Variants in FMN1 observed in about 807,000 individuals in gnomAD.
The protein encoded by FMN1 is formin 1.
FMN1 carries 110 observed loss-of-function variants against 132.4 expected under a neutral mutation model. The observed-to-expected ratio is 0.83, with a 90% CI of 0.71 to 0.97. FMN1 has a LOEUF of 0.97. Among genes scored for constraint, FMN1 ranks in the 50% least tolerant of loss-of-function variants. FMN1 has a pLI of 0.00. For synonymous variants in FMN1, 722 were observed against 651.7 expected (o/e 1.11, Z -1.64); for missense variants, 1,792 against 1,705.3 (o/e 1.05, Z -0.90).
At position 32,910,654 on chromosome 15, in the gene FMN1, T is replaced by C. The variant is rs1489140967; in HGVS notation, c.3227-119A>G. On this transcript the variant is annotated intron_variant, in intron 10 of 20. Coordinates refer to ENST00000616417, the MANE Select transcript of FMN1 (RefSeq NM_001277313.2). The stretch of plus-strand genomic sequence containing the variant: ...GAGTATTGCGTTTTCTTACACAAGC[T>C]GTGCCTCTCTGCTCCCCTTCCTTTC... The C allele has an allele frequency of 4.0e-6, 3 of 741,920 alleles. No individual in the cohort carries two copies. The Admixed American group carries it at 6.7e-5, about 17-fold the overall frequency. The allele number at this position is 741,920 out of a possible 1,614,324, so 46.0% of individuals were successfully genotyped here. A position where few individuals can be genotyped will look rare whatever the true frequency, so the allele number is the denominator to read the frequency against.
intron 9 of FMN1, among the ~76,000 whole-genome samples, chr15:32,947,033 A>C (rs1263505305): frequency 1.3e-5 from 2 of 152,172 alleles, no homozygotes; most frequent in Non-Finnish European, 2.9e-5. Flanking sequence ...TTGATGAGCA[A>C]GAGTTCATGT....
intron 4 of FMN1, among the ~76,000 whole-genome samples, chr15:33,141,228 C>T (rs1455338336): frequency 6.6e-6 from 1 of 152,112 alleles, no homozygotes; most frequent in East Asian, 1.9e-4. Flanking sequence ...CTTTAAGAAA[C>T]CCTTTCCTAA....
intron 6 of FMN1, among the ~76,000 whole-genome samples, chr15:33,021,092 T>C (rs949787972): frequency 4.6e-5 from 7 of 152,206 alleles, no homozygotes; most frequent in Non-Finnish European, 1.0e-4. Flanking sequence ...ACTCCTGCTA[T>C]TTCATGTAAT....
chr15:32,939,462 TTTGTTA>T (rs1336297865), intron 9 of FMN1, among the ~76,000 whole-genome samples: 1 of 152,114 alleles, frequency 6.6e-6, no homozygotes, highest in Non-Finnish European at 1.5e-5. Context: ...TTTTTTTTAA[TTTGTTA>T]TCAACCAATA....
intron 6 of FMN1, among the ~76,000 whole-genome samples, chr15:33,033,916 G>C (rs952528681): frequency 2.0e-5 from 3 of 152,110 alleles, no homozygotes; most frequent in African/African-American, 4.8e-5. Context: ...GTAGCATTCA[G>C]AGCTCCGTAG....
intron 4 of FMN1, chr15:33,151,182 G>A (rs1964423494): frequency 6.6e-7 from 1 of 1,509,036 alleles, no homozygotes; most frequent in East Asian, 2.5e-5. Flanking sequence ...TCAAAGTAGG[G>A]CCAATAGGAG....
rs1334245664 is a variant in FMN1 at position 33,088,797 on chromosome 15, A to G, written c.2043+2T>C. ...AGCACAATCACCAAGATTTCTACTT[A>G]CATGGAGATCCAAGTACAATTCGCT... On this transcript the variant is annotated splice_donor_variant, in intron 5 of 20. Coordinates refer to ENST00000616417, the MANE Select transcript of FMN1 (RefSeq NM_001277313.2). LOFTEE classifies it high-confidence loss of function. The G allele has an allele frequency of 6.5e-7, 1 of 1,534,498 alleles. No homozygotes were observed. Among genetic ancestry groups the G allele is most frequent in the South Asian group, 1.2e-5 (1 of 83,676 alleles).
intron 17 of FMN1, among the ~76,000 whole-genome samples, chr15:32,815,447 T>C (rs2058029447): frequency 6.6e-6 from 1 of 152,170 alleles, no homozygotes; most frequent in Non-Finnish European, 1.5e-5. Flanking sequence ...ATCTATGATA[T>C]TTAGGGCCAA....
At chr15:33,172,258 T>C (rs996774668) in intron 3 of FMN1, among the ~76,000 whole-genome samples, 1 of 151,976 alleles carries the variant, frequency 6.6e-6, no homozygotes, top group African/African-American at 2.4e-5. Flanking sequence ...AAGACACTTA[T>C]GGATTTTATG....
intron 3 of FMN1, among the ~76,000 whole-genome samples, chr15:33,170,204 G>A (rs1156946575): frequency 1.3e-5 from 2 of 152,036 alleles, no homozygotes; most frequent in Admixed American, 1.3e-4. Context: ...TGGGAAAACT[G>A]GACATCCATC....
intron 2 of FMN1, among the ~76,000 whole-genome samples, 176 bp from the exon 3 acceptor site, chr15:33,180,438 C>T (rs985802818): frequency 1.6e-4 from 25 of 152,126 alleles, no homozygotes; most frequent in African/African-American, 5.8e-4. Flanking sequence ...AGGGAACAGA[C>T]GATCCTGCCT....
At chr15:32,841,161 C>T (rs1402752528) in intron 17 of FMN1, among the ~76,000 whole-genome samples, 1 of 152,162 alleles carries the variant, frequency 6.6e-6, no homozygotes, top group Non-Finnish European at 1.5e-5. Flanking sequence ...TCGTGGGAAA[C>T]AATACAGGCT....
At chr15:33,040,962 T>C (rs1473915864) in intron 6 of FMN1, among the ~76,000 whole-genome samples, 1 of 152,222 alleles carries the variant, frequency 6.6e-6, no homozygotes, top group Non-Finnish European at 1.5e-5. Context: ...CAGTTTCCTT[T>C]AGTTCGCCTT....
chr15:33,126,929 CG>C (rs1238382977), intron 4 of FMN1, among the ~76,000 whole-genome samples: 2 of 152,176 alleles, frequency 1.3e-5, no homozygotes, highest in African/African-American at 2.4e-5. Flanking sequence ...CTTGATTAAA[CG>C]TAAGGTGACT....
rs189100718 is a variant in FMN1, at chr15:33,141,718, A to G, written c.1867+11330T>C. ...GTCATTGGTCAGGCCTGCGCTTGAG[A>G]AGAAGGTGTAATCTTGGGAGTACCT... is the stretch of plus-strand genomic sequence containing the variant. On this transcript the variant is annotated intron_variant, in intron 4 of 20. Coordinates refer to ENST00000616417, the MANE Select transcript of FMN1 (RefSeq NM_001277313.2). Among the ~76,000 whole-genome samples the G allele has an allele frequency of 1.6e-3, 241 of 152,282 alleles. 1 individual carries two copies. The highest frequency in any genetic ancestry group is 5.6e-3 in the African/African-American group (233 of 41,562).
Position 33,154,713 on chromosome 15 carries a change from C to A in FMN1, c.202G>T (p.Glu68Ter). The A allele has an allele frequency of 6.5e-7, 1 of 1,536,096 alleles. No homozygotes were observed. Among genetic ancestry groups the A allele is most frequent in the Non-Finnish European group, 8.7e-7 (1 of 1,146,916 alleles). The change falls in exon 4 of 21, where the codon GAA becomes TAA. Residue 68 changes from glutamate (E) to a stop codon, truncating the protein, a stop_gained. Transcript: ENST00000616417. LOFTEE classifies it high-confidence loss of function. ...TTGAAAAATATGTCGCCTGGATGTT[C>A]GTCCGGCTCCTGGCTGAGGCTGATG... ...DIISLSQEPDEHPGDIFFKQT... is the reference protein window; with the variant it reads ...DIISLSQEPD
chr15:33,029,611 C>T (rs1020794635), intron 6 of FMN1, among the ~76,000 whole-genome samples: 1 of 151,954 alleles, frequency 6.6e-6, no homozygotes, highest in African/African-American at 2.4e-5. Context: ...TTGGATCTCT[C>T]AAGACTAGGG....
At chr15:32,862,978 GC>G (rs2059308087) in intron 16 of FMN1, among the ~76,000 whole-genome samples, 1 of 152,088 alleles carries the variant, frequency 6.6e-6, no homozygotes, top group East Asian at 1.9e-4. Flanking sequence ...CAAGCTCCCT[GC>G]TCAAAGGACC....
Position 32,953,565 on chromosome 15 carries a change from A to G in FMN1, c.3138+10542T>C, listed in dbSNP as rs554789549. Among the ~76,000 whole-genome samples the G allele has an allele frequency of 1.2e-4, 19 of 152,330 alleles. 1 individual carries two copies. The East Asian group carries it at 3.5e-3, about 28-fold the overall frequency. ...CTAAATGAAATGAAGCTCTGGGTCAAAAGTATTTTATCAAAAATTGGAAGT... is the reference window on the plus strand; with the variant it reads ...CTAAATGAAATGAAGCTCTGGGTCAGAAGTATTTTATCAAAAATTGGAAGT... On this transcript the variant is annotated intron_variant, in intron 9 of 20. Transcript: ENST00000616417.
Sources: gnomAD v4.1 joint callset for allele counts (sites outside exome capture counted in the v4.1 genomes callset) on GRCh38, gnomAD v4.1.1 for gene constraint, MANE v1.5 for transcripts, NCBI Gene and HGNC (gene_info 2026-07-23, HGNC 2026-07-21) for gene names.